TNR: variants seen among roughly 807,000 people sequenced by gnomAD.
TNR encodes tenascin-R.
A neutral mutation model predicts 150.4 loss-of-function variants in TNR; 45 were observed. The ratio of observed to expected loss-of-function variants is 0.30; its 90% CI spans 0.24 to 0.38. The LOEUF (loss-of-function observed/expected upper bound fraction) is 0.38, where lower values mean the gene tolerates loss of function less well. Ranked by LOEUF, TNR falls within the 10% of genes least tolerant of loss-of-function variation. The probability of loss-of-function intolerance (pLI) is 1.00; values close to 1 mark genes in which losing one functional copy is unlikely to be tolerated. For synonymous variants in TNR, 687 were observed against 678.4 expected (o/e 1.01, Z -0.20); for missense variants, 1,544 against 1,759.1 (o/e 0.88, Z 2.19).
chr1:175,606,846 A>C (rs769829845), intron 1 of TNR, among the ~76,000 whole-genome samples: 1 of 152,238 alleles, frequency 6.6e-6, no homozygotes, highest in Non-Finnish European at 1.5e-5. Flanking sequence ...AAAGCCCAGC[A>C]ACATGGGGTC....
intron 12 of TNR, 114 bp downstream of exon 12, chr1:175,364,896 C>A: frequency 1.5e-6 from 2 of 1,314,690 alleles, no homozygotes; most frequent in Non-Finnish European, 2.1e-6. Context: ...CTTTCTCTAG[C>A]CATAGAGGAA....
Position 175,438,684 on chromosome 1 carries a change from A to G in TNR, c.-63-31907T>C, listed in dbSNP as rs557432960. Among the ~76,000 whole-genome samples the G allele has an allele frequency of 1.8e-3, 267 of 152,364 alleles. 2 individuals are homozygous for G. Among genetic ancestry groups the G allele is most frequent in the Non-Finnish European group, 3.2e-3 (219 of 68,040 alleles). On this transcript the variant is annotated intron_variant, in intron 2 of 22. Coordinates refer to ENST00000367674, the MANE Select transcript of TNR (RefSeq NM_003285.3). ...TGATAAGCAACTTCAGCAAAGTCTC[A>G]GGATACAAAATCAATATGCAAAAAT...
intron 2 of TNR, among the ~76,000 whole-genome samples, chr1:175,493,660 T>A (rs1184879091): frequency 2.0e-5 from 3 of 152,190 alleles, no homozygotes; most frequent in Non-Finnish European, 2.9e-5. Context: ...ACCTTTCCAT[T>A]CCCGACTCCG....
At chr1:175,721,190 C>T (rs977902748) in intron 1 of TNR, among the ~76,000 whole-genome samples, 8 of 152,198 alleles carry the variant, frequency 5.3e-5, no homozygotes, top group Admixed American at 6.5e-5. Context: ...CTAAAGCAGC[C>T]CCACCTCTAC....
intron 12 of TNR, 151 bp from the exon 13 acceptor site, chr1:175,363,978 A>G (rs1651718671): frequency 7.3e-6 from 7 of 963,538 alleles, no homozygotes; most frequent in Non-Finnish European, 1.0e-5. Flanking sequence ...AACCATGGTC[A>G]CGCTGATGTT....
chr1:175,461,466 T>C (rs116419979), intron 2 of TNR, among the ~76,000 whole-genome samples: 829 of 152,322 alleles, frequency 5.4e-3, no homozygotes, highest in Middle Eastern at 0.017. Flanking sequence ...TAGATAACAT[T>C]AATGTCAGCA....
chr1:175,691,258 T>A (rs1216333887), intron 1 of TNR, among the ~76,000 whole-genome samples: 1 of 151,174 alleles, frequency 6.6e-6, no homozygotes, highest in Non-Finnish European at 1.5e-5. Context: ...GAAAGTGATG[T>A]CAAGGAAGTT....
intron 2 of TNR, among the ~76,000 whole-genome samples, chr1:175,409,714 A>G (rs1557915747): frequency 6.6e-6 from 1 of 152,168 alleles, no homozygotes; most frequent in Non-Finnish European, 1.5e-5. Context: ...TATGAGAGGG[A>G]AAAGTTTAGC....
intron 1 of TNR, among the ~76,000 whole-genome samples, chr1:175,698,602 G>T (rs189555792): frequency 5.3e-5 from 8 of 152,224 alleles, no homozygotes; most frequent in African/African-American, 1.9e-4. Flanking sequence ...CACTTTGGGA[G>T]GCAAGAGGCG....
At chr1:175,648,313 T>A (rs1167993824) in intron 1 of TNR, among the ~76,000 whole-genome samples, 3 of 152,090 alleles carry the variant, frequency 2.0e-5, no homozygotes, top group Non-Finnish European at 1.5e-5. Context: ...ACTCTAATTT[T>A]AAAAAACGAG....
At chr1:175,487,782 C>CA (rs764835770) in intron 2 of TNR, among the ~76,000 whole-genome samples, 1 of 151,634 alleles carries the variant, frequency 6.6e-6, no homozygotes, top group Non-Finnish European at 1.5e-5. Flanking sequence ...GGTAAGTTTC[C>CA]AAAAAAAGGT....
rs115309700 is a variant in TNR, at chr1:175,613,058, T to C, written c.-164-84689A>G. Among the ~76,000 whole-genome samples the C allele has an allele frequency of 3.9e-3, 599 of 152,246 alleles. 4 individuals are homozygous for C. Among genetic ancestry groups the C allele is most frequent in the African/African-American group, 0.014 (570 of 41,546 alleles). On this transcript the variant is annotated intron_variant, in intron 1 of 22. Transcript: ENST00000367674. ...TGAATCATTACCTTGTGACTAGTGG[T>C]TTTTGGTCCAGATCCCTAAAGCTGT...
intron 1 of TNR, among the ~76,000 whole-genome samples, chr1:175,683,542 C>A (rs1211210053): frequency 6.6e-6 from 1 of 152,188 alleles, no homozygotes; most frequent in African/African-American, 2.4e-5. Flanking sequence ...CTTCATCTGC[C>A]CATGCCCCTT....
chr1:175,325,356 A>C (rs1430222124), intron 21 of TNR, among the ~76,000 whole-genome samples: 1 of 152,236 alleles, frequency 6.6e-6, no homozygotes, highest in Non-Finnish European at 1.5e-5. Context: ...ATCATTAAAA[A>C]GTCAGGAAAC....
At chr1:175,326,587 C>T (rs1166384524) in intron 21 of TNR, among the ~76,000 whole-genome samples, 1 of 151,614 alleles carries the variant, frequency 6.6e-6, no homozygotes, top group Non-Finnish European at 1.5e-5. Flanking sequence ...TTAACCCCAC[C>T]ATCTGCAACT....
At chr1:175,606,192 G>A (rs1004937017) in intron 1 of TNR, among the ~76,000 whole-genome samples, 2 of 152,054 alleles carry the variant, frequency 1.3e-5, no homozygotes, top group African/African-American at 2.4e-5. Context: ...AGGCGCCAAG[G>A]TTTCCTTAAC....
At position 175,445,474 on chromosome 1, in the gene TNR, A is replaced by T. The variant is rs1297034475; in HGVS notation, c.-63-38697T>A. ...TCCATTTCTTGGTCTCTCTGTGAAAATTTTCAACAATAAATTCAACACAAA... is the reference window on the plus strand; with the variant it reads ...TCCATTTCTTGGTCTCTCTGTGAAATTTTTCAACAATAAATTCAACACAAA... On this transcript the variant is annotated intron_variant, in intron 2 of 22. Coordinates refer to ENST00000367674, the MANE Select transcript of TNR (RefSeq NM_003285.3). 2.0e-5 allele frequency among the ~76,000 whole-genome samples: 3 copies of T among 152,022 alleles called. No individual in the cohort carries two copies. The East Asian group carries it at 5.8e-4, about 29-fold the overall frequency.
intron 2 of TNR, among the ~76,000 whole-genome samples, chr1:175,432,712 C>G (rs749637788): frequency 1.3e-5 from 2 of 151,884 alleles, no homozygotes; most frequent in East Asian, 1.9e-4. Context: ...GTATTAGGAG[C>G]CTAGGGGCCT....
At chr1:175,406,887 G>A in intron 2 of TNR, 110 bp from the exon 3 acceptor site, 1 of 755,278 alleles carries the variant, frequency 1.3e-6, no homozygotes, top group Non-Finnish European at 2.1e-6. Flanking sequence ...TTTTCAAGGG[G>A]GGGGCGTCAG....
Sources: allele counts gnomAD v4.1 joint callset (sites outside exome capture counted in the v4.1 genomes callset), GRCh38; gene constraint gnomAD v4.1.1; transcripts MANE v1.5; gene names NCBI Gene and HGNC (gene_info 2026-07-23, HGNC 2026-07-21).